The following SHROOM3 variants were observed in gnomAD, a reference collection of about 807,000 sequenced individuals.
SHROOM3 encodes shroom family member 3.
SHROOM3 carries 47 observed loss-of-function variants against 138.6 expected under a neutral mutation model. The observed-to-expected ratio is 0.34, with a 90% CI of 0.27 to 0.43. SHROOM3 has a LOEUF of 0.43. Ranked by LOEUF, SHROOM3 falls within the 20% of genes least tolerant of loss-of-function variation. The probability of loss-of-function intolerance (pLI) is 1.00; values close to 1 mark genes in which losing one functional copy is unlikely to be tolerated. For synonymous variants in SHROOM3, 1,062 were observed against 1,063.3 expected (o/e 1.00, Z 0.02); for missense variants, 2,491 against 2,596.5 (o/e 0.96, Z 0.88).
intron 1 of SHROOM3, among the ~76,000 whole-genome samples, chr4:76,471,060 A>C (rs146922156): frequency 3.8e-4 from 58 of 152,264 alleles, no homozygotes; most frequent in African/African-American, 1.3e-3. Flanking sequence ...TTACTTTACG[A>C]TACTCAACTC....
At chr4:76,600,473 C>T (rs552027234) in intron 2 of SHROOM3, among the ~76,000 whole-genome samples, 57 of 152,238 alleles carry the variant, frequency 3.7e-4, no homozygotes, top group African/African-American at 1.3e-3. Context: ...AAGGTGTTTT[C>T]CTAGGATACA....
chr4:76,614,433 G>C (rs997082264), intron 2 of SHROOM3, among the ~76,000 whole-genome samples: 4 of 152,040 alleles, frequency 2.6e-5, no homozygotes, highest in African/African-American at 9.7e-5. Flanking sequence ...CCATCTAAAG[G>C]AGTCAGCTGC....
At position 76,595,674 on chromosome 4, in the gene SHROOM3, T is replaced by G. The variant is rs1413549910; in HGVS notation, c.323+39911T>G. 2.0e-5 allele frequency among the ~76,000 whole-genome samples: 3 copies of G among 152,172 alleles called. No homozygotes were observed. In the East Asian group the frequency reaches 5.8e-4, roughly 29 times the overall value. ...CACTAGTAACTGGCAGGGAGTCAGA[T>G]TACCAAGAATAGTATAGACCAGGCA... On this transcript the variant is annotated intron_variant, in intron 2 of 10. Coordinates refer to ENST00000296043, the MANE Select transcript of SHROOM3 (RefSeq NM_020859.4).
At chr4:76,722,542 A>G (rs996653612) in intron 3 of SHROOM3, among the ~76,000 whole-genome samples, 25 of 152,138 alleles carry the variant, frequency 1.6e-4, no homozygotes, top group African/African-American at 5.6e-4. Context: ...ATCAGAAAAC[A>G]TAACTATTGG....
intron 1 of SHROOM3, among the ~76,000 whole-genome samples, chr4:76,458,483 A>G (rs1731079738): frequency 6.6e-6 from 1 of 152,174 alleles, no homozygotes; most frequent in Admixed American, 6.5e-5. Context: ...TTGTTGTGCA[A>G]CCATCACCAC....
intron 1 of SHROOM3, among the ~76,000 whole-genome samples, chr4:76,517,732 G>A (rs1012838392): frequency 6.6e-5 from 10 of 152,110 alleles, no homozygotes; most frequent in Admixed American, 6.5e-4. Context: ...AGACCAATGA[G>A]GGCCTGTGTA....
intron 5 of SHROOM3, among the ~76,000 whole-genome samples, chr4:76,743,014 C>G (rs1200315804): frequency 2.6e-5 from 4 of 152,126 alleles, no homozygotes; most frequent in African/African-American, 9.7e-5. Flanking sequence ...GGAATACGAC[C>G]TTATATGTAT....
intron 2 of SHROOM3, among the ~76,000 whole-genome samples, chr4:76,591,817 T>A (rs1734279192): frequency 6.6e-6 from 1 of 152,224 alleles, no homozygotes; most frequent in African/African-American, 2.4e-5. Context: ...ATATAAAATA[T>A]AACCACCACA....
chr4:76,497,577 G>A (rs919439447), intron 1 of SHROOM3, among the ~76,000 whole-genome samples: 2 of 152,176 alleles, frequency 1.3e-5, no homozygotes, highest in African/African-American at 4.8e-5. Context: ...AGAAAAGAGG[G>A]CTGGGTGCAG....
chr4:76,603,827 C>CATCTTGT (rs1734559518), intron 2 of SHROOM3, among the ~76,000 whole-genome samples: 1 of 149,392 alleles, frequency 6.7e-6, no homozygotes, highest in Non-Finnish European at 1.5e-5. Flanking sequence ...TGAGAACAAG[C>CATCTTGT]ATCTTGTATT....
rs563534282 is a variant in SHROOM3 at position 76,590,691 on chromosome 4, C to T, written c.323+34928C>T. On this transcript the variant is annotated intron_variant, in intron 2 of 10. Coordinates refer to ENST00000296043, the MANE Select transcript of SHROOM3 (RefSeq NM_020859.4). ...AGCAATTTGTACTTGGTGTTGAGGT[C>T]TTAATTTTTTTTTTTTCTCCCCCGG... 1.2e-3 allele frequency among the ~76,000 whole-genome samples: 186 copies of T among 151,404 alleles called. 2 individuals carry two copies. The highest frequency in any genetic ancestry group is 4.4e-3 in the African/African-American group (180 of 41,190).
intron 2 of SHROOM3, among the ~76,000 whole-genome samples, chr4:76,647,500 G>T (rs1001197751): frequency 7.2e-5 from 11 of 152,142 alleles, no homozygotes; most frequent in Non-Finnish European, 1.5e-4. Flanking sequence ...CACATTCTAT[G>T]CATGTAACAA....
chr4:76,769,433 G>A (rs968998784), intron 9 of SHROOM3, among the ~76,000 whole-genome samples: 13 of 152,108 alleles, frequency 8.5e-5, no homozygotes, highest in Middle Eastern at 6.8e-3. Flanking sequence ...TACAAAAACC[G>A]TGGAGTTTAA....
chr4:76,641,349 G>T (rs190600440), intron 2 of SHROOM3, among the ~76,000 whole-genome samples: 215 of 152,226 alleles, frequency 1.4e-3, no homozygotes, highest in Non-Finnish European at 1.4e-3. Flanking sequence ...CCTTGGGACA[G>T]CCCATTCAAT....
At chr4:76,491,737 AC>A (rs911462331) in intron 1 of SHROOM3, among the ~76,000 whole-genome samples, 6 of 151,808 alleles carry the variant, frequency 4.0e-5, no homozygotes, top group African/African-American at 1.5e-4. Context: ...TGAAAAAAGC[AC>A]CCCCCAACCC....
chr4:76,656,503 T>C (rs1163010563), intron 2 of SHROOM3, among the ~76,000 whole-genome samples: 2 of 152,228 alleles, frequency 1.3e-5, no homozygotes, highest in African/African-American at 4.8e-5. Context: ...TCTTTATATC[T>C]CAGTGTCATA....
At chr4:76,683,575 C>T (rs997553275) in intron 2 of SHROOM3, among the ~76,000 whole-genome samples, 3 of 151,554 alleles carry the variant, frequency 2.0e-5, no homozygotes, top group Non-Finnish European at 2.9e-5. Context: ...TTTCTTTCTC[C>T]GTTAGCCTTG....
chr4:76,693,366 G>GTT (rs1429298697), intron 2 of SHROOM3, among the ~76,000 whole-genome samples: 22 of 60,082 alleles, frequency 3.7e-4, no homozygotes, highest in African/African-American at 1.6e-3. Flanking sequence ...ATTTTGATAA[G>GTT]TTTGTTTTTT....
intron 10 of SHROOM3, among the ~76,000 whole-genome samples, chr4:76,777,574 G>T (rs1722608074): frequency 6.6e-6 from 1 of 152,078 alleles, no homozygotes; most frequent in Admixed American, 6.5e-5. Context: ...TTACCAATTT[G>T]GATGCCCTTT....
Sources: allele counts gnomAD v4.1 joint callset (sites outside exome capture counted in the v4.1 genomes callset), GRCh38; gene constraint gnomAD v4.1.1; transcripts MANE v1.5; gene names NCBI Gene and HGNC (gene_info 2026-07-23, HGNC 2026-07-21).